MACROH2A1: variants seen among roughly 807,000 people sequenced by gnomAD.
MACROH2A1 encodes macroH2A.1 histone.
Under a neutral mutation model 31.6 loss-of-function variants are expected in MACROH2A1, and 2 were observed. The observed-to-expected ratio is 0.06, with a 90% CI of 0.03 to 0.20. The LOEUF is 0.20. MACROH2A1 is among the 10% of genes least tolerant of loss of function. The pLI is 1.00. For missense variants in MACROH2A1, 230 were observed against 474.0 expected (o/e 0.49, Z 4.78); for synonymous variants, 169 against 189.6 (o/e 0.89, Z 0.89).
At chr5:135,356,587 C>A (rs1486169289) in intron 5 of MACROH2A1, 1 of 152,134 alleles carries the variant, frequency 6.6e-6, no homozygotes, top group African/African-American at 2.4e-5. Flanking sequence ...AATGGAAATG[C>A]CAGAGCTCAG....
chr5:135,395,757 T>C (rs1767884515), intron 1 of MACROH2A1, among the ~76,000 whole-genome samples: 1 of 152,182 alleles, frequency 6.6e-6, no homozygotes, highest in African/African-American at 2.4e-5. Flanking sequence ...AGACCTGTTC[T>C]AGTATTCTAG....
chr5:135,381,492 A>C (rs1351595280), intron 2 of MACROH2A1, among the ~76,000 whole-genome samples: 1 of 152,162 alleles, frequency 6.6e-6, no homozygotes, highest in Non-Finnish European at 1.5e-5. Context: ...GCATGCACCT[A>C]TAGTCTCAGC....
chr5:135,362,150 T>G (rs1762921168), intron 4 of MACROH2A1: 1 of 152,214 alleles, frequency 6.6e-6, no homozygotes. Flanking sequence ...AGTCAGGTGT[T>G]TTTAATCCTG....
intron 2 of MACROH2A1, among the ~76,000 whole-genome samples, chr5:135,379,774 G>A (rs1248066592): frequency 6.6e-6 from 1 of 152,242 alleles, no homozygotes; most frequent in South Asian, 2.1e-4. Context: ...TTAGAAGCCC[G>A]TCCTGATGGT....
chr5:135,359,557 G>A (rs1762580474), intron 5 of MACROH2A1: 1 of 984,510 alleles, frequency 1.0e-6, no homozygotes, highest in Non-Finnish European at 1.2e-6. Flanking sequence ...GAGAGAGAGT[G>A]CAATTAGTGA....
chr5:135,375,645 G>A (rs1046734813), intron 2 of MACROH2A1, among the ~76,000 whole-genome samples: 3 of 152,166 alleles, frequency 2.0e-5, no homozygotes, highest in Non-Finnish European at 4.4e-5. Context: ...AGAGTCAGGG[G>A]CTTTAACGGA....
intron 1 of MACROH2A1, among the ~76,000 whole-genome samples, chr5:135,392,145 C>T (rs1365813018): frequency 6.6e-6 from 1 of 152,202 alleles, no homozygotes; most frequent in Non-Finnish European, 1.5e-5. Context: ...CTCACAGCCT[C>T]CCTCTGCCAT....
intron 4 of MACROH2A1, among the ~76,000 whole-genome samples, chr5:135,368,303 A>G (rs1388353797): frequency 2.0e-5 from 3 of 152,264 alleles, no homozygotes; most frequent in Non-Finnish European, 2.9e-5. Context: ...CTGACAGGAC[A>G]GGAGGAGCTC....
At chr5:135,349,998 C>CT (rs140492900) in intron 6 of MACROH2A1, among the ~76,000 whole-genome samples, 8,056 of 152,218 alleles carry the variant, frequency 0.053, 270 homozygotes, top group African/African-American at 0.085. Flanking sequence ...TAAAGCTGTG[C>CT]TTTTTTTCTA....
intron 1 of MACROH2A1, among the ~76,000 whole-genome samples, chr5:135,390,511 T>C (rs1767072917): frequency 6.6e-6 from 1 of 152,156 alleles, no homozygotes; most frequent in Non-Finnish European, 1.5e-5. Context: ...TAATGCATGC[T>C]TCAAAGGGCC....
intron 6 of MACROH2A1, chr5:135,350,949 G>T: frequency 7.1e-7 from 1 of 1,401,856 alleles, no homozygotes; most frequent in South Asian, 1.2e-5. Flanking sequence ...CAACTGTGTT[G>T]GACCGAGACC....
chr5:135,392,778 T>C (rs1246178195), intron 1 of MACROH2A1, among the ~76,000 whole-genome samples: 1 of 152,210 alleles, frequency 6.6e-6, no homozygotes, highest in Non-Finnish European at 1.5e-5. Flanking sequence ...GACCTGATTA[T>C]AACCATGGCT....
intron 6 of MACROH2A1, 165 bp from the exon 7 acceptor site, chr5:135,346,222 G>A (rs1760816550): frequency 3.3e-6 from 2 of 614,056 alleles, no homozygotes; most frequent in Admixed American, 5.1e-5. Context: ...AATTGAGAAG[G>A]GCTTTGTCAT....
At chr5:135,364,463 C>T (rs996182604) in intron 4 of MACROH2A1, among the ~76,000 whole-genome samples, 1 of 152,130 alleles carries the variant, frequency 6.6e-6, no homozygotes, top group African/African-American at 2.4e-5. Flanking sequence ...ATGGAATCTA[C>T]TAAGTGGTAG....
chr5:135,353,265 G>A lies in MACROH2A1; in HGVS notation c.589-220C>T, dbSNP rs184815272. ...ACTAGGATGAATGTTCAGAGCCCGT[G>A]GGTGGCACCTGGGACAAAAGGAAGC... On this transcript the variant is annotated intron_variant, in intron 5 of 8. Coordinates refer to ENST00000511689, the MANE Select transcript of MACROH2A1 (RefSeq NM_138610.3). 1.8e-3 allele frequency: 934 copies of A among 513,122 alleles called. 10 individuals carry two copies. The highest frequency in any genetic ancestry group is 3.5e-4 in the Non-Finnish European group (101 of 286,650). 31.8% of individuals were successfully genotyped at this position (513,122 alleles called of 1,614,324 possible). A position where few individuals can be genotyped will look rare whatever the true frequency, so the allele number is the denominator to read the frequency against.
rs547385479 is a variant in MACROH2A1 at position 135,379,230 on chromosome 5, A to G, written c.173-9088T>C. The stretch of plus-strand genomic sequence containing the variant: ...CCTGTAGGCAGATGGGGTGATGTCA[A>G]CCCCGTGAGAGGGTATCTCAGCACC... On this transcript the variant is annotated intron_variant, in intron 2 of 8. Transcript: ENST00000511689. Among the ~76,000 whole-genome samples the G allele has an allele frequency of 6.6e-5, 10 of 152,260 alleles. No homozygotes were observed. In the South Asian group the frequency reaches 2.1e-3, roughly 32 times the overall value.
chr5:135,334,994 G>A lies in MACROH2A1; in HGVS notation c.1101C>T (p.Ala367=). ...ESIGIYVQEM[A]KLDAN ...GCTCAGCCTAGTTGGCGTCCAGCTTGGCCATTTCCTGCACATAGATGCCTA... is the reference window on the plus strand; with the variant it reads ...GCTCAGCCTAGTTGGCGTCCAGCTTAGCCATTTCCTGCACATAGATGCCTA... Residue 367 remains alanine (A), a synonymous_variant, in exon 9 of 9, where the codon GCC becomes GCT. Transcript: ENST00000511689. 1 of 1,613,778 alleles carries A rather than the reference G, an allele frequency of 6.2e-7. No individual in the cohort carries two copies. The highest frequency in any genetic ancestry group is 8.5e-7 in the Non-Finnish European group (1 of 1,179,782).
chr5:135,383,700 GGTGTGTGTGTGTGTGTGTGTGT>G (rs61338247), intron 2 of MACROH2A1, among the ~76,000 whole-genome samples: 70 of 137,222 alleles, frequency 5.1e-4, no homozygotes, highest in African/African-American at 2.0e-3. Flanking sequence ...GATGTGGTGT[GGTGTGTGTGTGTGTGTGTGTGT>G]GTGTGTGTGT....
At chr5:135,363,894 T>C (rs568276519) in intron 4 of MACROH2A1, among the ~76,000 whole-genome samples, 2 of 152,352 alleles carry the variant, frequency 1.3e-5, no homozygotes, top group Admixed American at 6.5e-5. Context: ...TATCTCATTG[T>C]GGTTTTGATT....
Sources: allele counts gnomAD v4.1 joint callset (sites outside exome capture counted in the v4.1 genomes callset), GRCh38; gene constraint gnomAD v4.1.1; transcripts MANE v1.5; gene names NCBI Gene and HGNC (gene_info 2026-07-23, HGNC 2026-07-21).